FRMPD4: variants seen among roughly 807,000 people sequenced by gnomAD.
FRMPD4 encodes the protein FERM and PDZ domain containing 4, also known as FERM and PDZ domain-containing protein 4.
A neutral mutation model predicts 94.1 loss-of-function variants in FRMPD4; 22 were observed. That is an observed-to-expected ratio of 0.23 (90% confidence interval 0.17 to 0.33). FRMPD4 has a LOEUF of 0.33. Ranked by LOEUF, FRMPD4 falls within the 10% of genes least tolerant of loss-of-function variation. The pLI is 1.00. For missense variants in FRMPD4, 1,111 were observed against 1,339.9 expected, an observed-to-expected ratio of 0.83 and a Z score of 2.67; for synonymous variants, 631 against 548.6, an observed-to-expected ratio of 1.15 and a Z score of -2.10.
chrX:12,197,974 T>G (rs530634716), intron 1 of FRMPD4, among the ~76,000 whole-genome samples: 1 of 112,352 alleles, frequency 8.9e-6, no homozygotes, highest in African/African-American at 3.2e-5. Context: ...TTTTAACATA[T>G]AAACCCAAAT....
At chrX:11,952,405 T>C (rs1278732833) in intron 3 of FRMPD4, among the ~76,000 whole-genome samples, 2 of 112,082 alleles carry the variant, frequency 1.8e-5, no homozygotes, top group African/African-American at 3.2e-5. Context: ...AGGAAAGTCA[T>C]GTTTATCAGA....
chrX:12,395,657 A>G (rs1415207179), intron 1 of FRMPD4: 1 of 112,131 alleles, frequency 8.9e-6, no homozygotes, highest in Non-Finnish European at 1.9e-5. Context: ...ATCTACACTA[A>G]ACTTAATATT....
intron 2 of FRMPD4, among the ~76,000 whole-genome samples, chrX:12,502,132 G>A (rs1364977922): frequency 8.9e-6 from 1 of 111,795 alleles, no homozygotes; most frequent in African/African-American, 3.3e-5. Flanking sequence ...GAGCTCCCCA[G>A]GTAATTCTAA....
At chrX:11,909,297 A>G (rs1469286339) in intron 3 of FRMPD4, among the ~76,000 whole-genome samples, 2 of 112,013 alleles carry the variant, frequency 1.8e-5, no homozygotes, top group Admixed American at 1.9e-4. Context: ...GTCTTTCAAG[A>G]AATTTGTCCA....
chrX:12,110,047 G>C (rs893022016), intron 3 of FRMPD4, among the ~76,000 whole-genome samples: 5 of 111,820 alleles, frequency 4.5e-5, no homozygotes, highest in African/African-American at 1.3e-4. Context: ...AGAAAAAGAG[G>C]GAATCCTCCC....
chrX:11,946,866 A>T (rs768430472), intron 3 of FRMPD4, among the ~76,000 whole-genome samples: 1 of 111,782 alleles, frequency 8.9e-6, no homozygotes, highest in African/African-American at 3.2e-5. Context: ...TGGAATTTAT[A>T]CCATTAGCCC....
chrX:12,360,114 G>C (rs1463663116), intron 1 of FRMPD4, among the ~76,000 whole-genome samples: 1 of 112,447 alleles, frequency 8.9e-6, no homozygotes, highest in Non-Finnish European at 1.9e-5. Context: ...GGCTTATCAA[G>C]TTGAATGTTA....
At chrX:12,560,477 G>GAAAAA (rs199808235) in intron 2 of FRMPD4, among the ~76,000 whole-genome samples, 1 of 82,866 alleles carries the variant, frequency 1.2e-5, no homozygotes, top group Non-Finnish European at 2.4e-5. Flanking sequence ...CTTTAAAAAT[G>GAAAAA]AAAAAAAAAA....
intron 1 of FRMPD4, among the ~76,000 whole-genome samples, chrX:12,168,529 G>T (rs775103606): frequency 2.7e-5 from 3 of 110,423 alleles, no homozygotes; most frequent in Non-Finnish European, 5.7e-5. Context: ...TGAATCAGGG[G>T]AAACATTTTA....
At chrX:12,387,537 G>C (rs2056413563) in intron 1 of FRMPD4, among the ~76,000 whole-genome samples, 1 of 111,693 alleles carries the variant, frequency 9.0e-6, no homozygotes, top group Admixed American at 9.5e-5. Context: ...TGAAGAGAGA[G>C]GTTGAAATCA....
At chrX:12,548,729 A>G (rs972152934) in intron 2 of FRMPD4, among the ~76,000 whole-genome samples, 1 of 112,121 alleles carries the variant, frequency 8.9e-6, no homozygotes, top group Non-Finnish European at 1.9e-5. Context: ...ATGGCAGTCA[A>G]TAACCGAAGG....
At chrX:12,414,248 T>G (rs749426132) in intron 1 of FRMPD4, among the ~76,000 whole-genome samples, 1 of 112,587 alleles carries the variant, frequency 8.9e-6, no homozygotes, top group South Asian at 3.7e-4. Context: ...ATTAACAGAT[T>G]CCTATCAGTG....
At position 12,404,416 on chromosome X, in the gene FRMPD4, T is replaced by C. The variant is rs920740311; in HGVS notation, c.42-94264T>C. Among the ~76,000 whole-genome samples the C allele has an allele frequency of 2.7e-5, 3 of 112,437 alleles. No homozygotes were observed. The Admixed American group carries it at 2.8e-4, about 11-fold the overall frequency. On this transcript the variant is annotated intron_variant, in intron 1 of 16. Coordinates refer to ENST00000675598, the MANE Select transcript of FRMPD4 (RefSeq NM_001368397.1). ...CCTTTTATTTAATACCAATGACATG[T>C]TGAAGAAGTCATGTCTTGTAGAATA...
intron 1 of FRMPD4, among the ~76,000 whole-genome samples, chrX:12,208,829 A>G (rs1385702244): frequency 9.0e-6 from 1 of 111,669 alleles, no homozygotes; most frequent in Admixed American, 9.5e-5. Context: ...CTATATCTAA[A>G]GCGTAAAGAG....
intron 1 of FRMPD4, among the ~76,000 whole-genome samples, chrX:12,183,668 T>C (rs1341746815): frequency 9.0e-6 from 1 of 111,466 alleles, no homozygotes; most frequent in Admixed American, 9.6e-5. Flanking sequence ...CTTTTGAAGA[T>C]TTTATATATA....
At chrX:12,716,001 T>TGCCCC in intron 14 of FRMPD4, 68 bp from the exon 15 acceptor site, 2 of 231,648 alleles carry the variant, frequency 8.6e-6, no homozygotes, top group Non-Finnish European at 1.6e-5. Context: ...GAGACGAGCC[T>TGCCCC]CCCACCCCCG....
At chrX:11,980,402 G>A (rs930826210) in intron 3 of FRMPD4, among the ~76,000 whole-genome samples, 2 of 110,838 alleles carry the variant, frequency 1.8e-5, no homozygotes, top group East Asian at 5.6e-4. Context: ...CAAAGGACCC[G>A]TTTATAGCTT....
At chrX:12,292,776 CT>C (rs2054709392) in intron 1 of FRMPD4, among the ~76,000 whole-genome samples, 1 of 111,167 alleles carries the variant, frequency 9.0e-6, no homozygotes, top group Non-Finnish European at 1.9e-5. Context: ...GTTGTGAAGT[CT>C]CTTGACACGC....
intron 4 of FRMPD4, among the ~76,000 whole-genome samples, chrX:12,669,867 A>G (rs2059821129): frequency 8.9e-6 from 1 of 112,385 alleles, no homozygotes; most frequent in Admixed American, 9.4e-5. Context: ...AAAACTCATT[A>G]GAGACTTCTG....
Sources: gnomAD v4.1 joint callset for allele counts (sites outside exome capture counted in the v4.1 genomes callset) on GRCh38, gnomAD v4.1.1 for gene constraint, MANE v1.5 for transcripts, NCBI Gene and HGNC (gene_info 2026-07-23, HGNC 2026-07-21) for gene names.